Variants in VSTM4 observed in about 807,000 individuals in gnomAD.
VSTM4 encodes V-set and transmembrane domain-containing protein 4.
VSTM4 carries 20 observed loss-of-function variants against 36.4 expected under a neutral mutation model. The observed-to-expected ratio is 0.55, with a 90% CI of 0.39 to 0.80. VSTM4 has a LOEUF of 0.80. VSTM4 is among the 30% of genes least tolerant of loss of function. VSTM4 has a pLI of 0.00. For synonymous variants in VSTM4, 182 were observed against 173.9 expected (o/e 1.05, Z -0.37); for missense variants, 392 against 404.5 (o/e 0.97, Z 0.26).
chr10:49,044,452 AAG>A (rs1322936304), intron 7 of VSTM4, among the ~76,000 whole-genome samples: 3 of 128,396 alleles, frequency 2.3e-5, no homozygotes, highest in Non-Finnish European at 5.1e-5. Context: ...GAAGGAGAGA[AAG>A]AAAGAAAGAA....
intron 2 of VSTM4, among the ~76,000 whole-genome samples, chr10:49,090,507 G>A (rs1428526896): frequency 6.6e-6 from 1 of 152,178 alleles, no homozygotes; most frequent in African/African-American, 2.4e-5. Flanking sequence ...GGTGGACTCT[G>A]CTGCTCTGTG....
Position 49,019,452 on chromosome 10 carries a change from T to C in VSTM4, c.*198A>G. 1 of 550,706 alleles carries C rather than the reference T, an allele frequency of 1.8e-6. No individual in the cohort carries two copies. Among genetic ancestry groups the C allele is most frequent in the Non-Finnish European group, 2.7e-6 (1 of 370,120 alleles). The allele number at this position is 550,706 out of a possible 1,614,324, so 34.1% of individuals were successfully genotyped here. ...CAGGCGCATCTTGTCCCGGGAGATC[T>C]GTCAAGAGCTGTGGCCCCGATTCTT... On this transcript the variant is annotated 3_prime_UTR_variant, in exon 8 of 8. Coordinates refer to ENST00000332853, the MANE Select transcript of VSTM4 (RefSeq NM_001031746.5).
In VSTM4 at chr10:49,093,905, G is replaced by T. The variant is rs564568207; in HGVS notation, c.458-7882C>A. On this transcript the variant is annotated intron_variant, in intron 2 of 7. Coordinates refer to ENST00000332853, the MANE Select transcript of VSTM4 (RefSeq NM_001031746.5). ...TGGGACCACAGGTGCCTGCCATAACGCCCAGCTAATTTTTTGTATTTTTAG... is the reference window on the plus strand; with the variant it reads ...TGGGACCACAGGTGCCTGCCATAACTCCCAGCTAATTTTTTGTATTTTTAG... Among the ~76,000 whole-genome samples the T allele has an allele frequency of 3.0e-3, 449 of 151,886 alleles. 3 individuals carry two copies. Among genetic ancestry groups the T allele is most frequent in the African/African-American group, 1.0e-2 (414 of 41,414 alleles).
At position 49,014,319 on chromosome 10, in the gene VSTM4, T is replaced by G. The variant is rs1000238088; in HGVS notation, c.*5331A>C. ...AGCTGTAAACATCTCTAATTATATT[T>G]AAAACTGTAGAGTGCAGTACATTAA... On this transcript the variant is annotated 3_prime_UTR_variant, in exon 8 of 8. Coordinates refer to ENST00000332853, the MANE Select transcript of VSTM4 (RefSeq NM_001031746.5). The G allele has an allele frequency of 1.2e-4, 18 of 152,326 alleles. No individual in the cohort carries two copies. The highest frequency in any genetic ancestry group is 4.3e-4 in the African/African-American group (18 of 41,570). The allele number at this position is 152,326 out of a possible 1,614,324, so 9.4% of individuals were successfully genotyped here.
At chr10:49,112,977 G>A (rs1181990699) in intron 1 of VSTM4, among the ~76,000 whole-genome samples, 1 of 152,176 alleles carries the variant, frequency 6.6e-6, no homozygotes. Context: ...TCCAGGTGAG[G>A]GAGTAAGGAC....
At position 49,110,479 on chromosome 10, in the gene VSTM4, A is replaced by G. The variant is rs138069629; in HGVS notation, c.56-2484T>C. The stretch of plus-strand genomic sequence containing the variant: ...CATTTTGCCCCATATTCTCTTACAA[A>G]TGGCACAAACTTCTGTTTCTTCTAC... On this transcript the variant is annotated intron_variant, in intron 1 of 7. Transcript: ENST00000332853. Among the ~76,000 whole-genome samples, 295 of 152,288 alleles carry G rather than the reference A, an allele frequency of 1.9e-3. 3 individuals carry two copies. Among genetic ancestry groups the G allele is most frequent in the African/African-American group, 6.9e-3 (288 of 41,552 alleles).
intron 5 of VSTM4, among the ~76,000 whole-genome samples, chr10:49,049,509 GA>G: frequency 6.6e-6 from 1 of 152,192 alleles, no homozygotes; most frequent in Non-Finnish European, 1.5e-5. Context: ...AATCCAGAGG[GA>G]AGTACCTTTT....
chr10:49,036,857 G>T (rs1843438912), intron 7 of VSTM4, among the ~76,000 whole-genome samples: 1 of 152,352 alleles, frequency 6.6e-6, no homozygotes, highest in East Asian at 1.9e-4. Flanking sequence ...CTACGGCAGG[G>T]TCCCTCTGAA....
At chr10:49,047,147 T>C in intron 6 of VSTM4, 103 bp from the exon 7 acceptor site, 2 of 1,171,654 alleles carry the variant, frequency 1.7e-6, no homozygotes, top group South Asian at 1.3e-5. Flanking sequence ...CTCATACCCC[T>C]TCCTGGTCCC....
chr10:49,107,986 G>C lies in VSTM4; in HGVS notation c.65C>G (p.Ala22Gly). 6.3e-7 allele frequency: 1 copy of C among 1,575,106 alleles called. No homozygotes were observed. The highest frequency in any genetic ancestry group is 8.6e-7 in the Non-Finnish European group (1 of 1,158,862). ...CGGGGACACAGTGACATTGAGGGCC[G>C]CACAGACCTCTGCAGAGAAAAAGGG... The part of the protein sequence containing the change: ...LARAPAPEVC[A>G]ALNVTVSPGP... Residue 22 changes from alanine (A) to glycine (G), a missense_variant, in exon 2 of 8, where the codon GCG (alanine) becomes GGG (glycine). Physicochemically the swap from Ala to Gly is moderately conservative, Grantham distance 60. Transcript: ENST00000332853.
At chr10:49,082,603 A>T (rs34640094) in intron 3 of VSTM4, among the ~76,000 whole-genome samples, 41,707 of 152,092 alleles carry the variant, frequency 0.27, 5,892 homozygotes, top group Admixed American at 0.35. Flanking sequence ...TGAACCCAGG[A>T]GGCGGAGGTT....
chr10:49,057,705 G>C (rs1425916628), intron 5 of VSTM4, among the ~76,000 whole-genome samples: 1 of 152,196 alleles, frequency 6.6e-6, no homozygotes, highest in Admixed American at 6.5e-5. Context: ...GACCGTGGGA[G>C]CATGGGAGGG....
At chr10:49,040,365 C>T (rs975397712) in intron 7 of VSTM4, among the ~76,000 whole-genome samples, 1 of 150,718 alleles carries the variant, frequency 6.6e-6, no homozygotes, top group Non-Finnish European at 1.5e-5. Context: ...TCATTGCAAC[C>T]TCCATTTCCC....
intron 5 of VSTM4, among the ~76,000 whole-genome samples, chr10:49,057,380 T>G (rs1666748966): frequency 6.6e-6 from 1 of 152,196 alleles, no homozygotes; most frequent in Non-Finnish European, 1.5e-5. Flanking sequence ...TGCACCAGTC[T>G]ACGACCACTG....
At chr10:49,088,011 A>ATG (rs1282564363) in intron 2 of VSTM4, among the ~76,000 whole-genome samples, 1 of 148,108 alleles carries the variant, frequency 6.8e-6, no homozygotes, top group Non-Finnish European at 1.5e-5. Context: ...CATGTAATAT[A>ATG]TGTATATATA....
Position 49,014,373 on chromosome 10 carries a change from T to C in VSTM4, c.*5277A>G, listed in dbSNP as rs1843071902. The stretch of plus-strand genomic sequence containing the variant: ...TTAACAATCAGACACTAAATTGGAG[T>C]GACGCTAATAGCATTGTGTTTATTA... On this transcript the variant is annotated 3_prime_UTR_variant, in exon 8 of 8. Transcript: ENST00000332853. 6.6e-6 allele frequency: 1 copy of C among 152,072 alleles called. No homozygotes were observed. Among genetic ancestry groups the C allele is most frequent in the South Asian group, 2.1e-4 (1 of 4,812 alleles). The allele number at this position is 152,072 out of a possible 1,614,324, so 9.4% of individuals were successfully genotyped here. A position where few individuals can be genotyped will look rare whatever the true frequency, so the allele number is the denominator to read the frequency against.
intron 4 of VSTM4, 42 bp downstream of exon 4, chr10:49,077,177 G>T (rs778348140): frequency 6.3e-7 from 1 of 1,591,396 alleles, no homozygotes; most frequent in Non-Finnish European, 8.6e-7. Context: ...CTGTGGTCGG[G>T]GTGTGCTCCC....
In VSTM4 at chr10:49,019,547, C is replaced by T; in HGVS notation, c.*103G>A. 2 of 1,441,654 alleles carry T rather than the reference C, an allele frequency of 1.4e-6. No homozygotes were observed. Among genetic ancestry groups the T allele is most frequent in the South Asian group, 3.4e-5 (2 of 58,998 alleles). 89.3% of individuals were successfully genotyped at this position (1,441,654 alleles called of 1,614,324 possible). Reference sequence around the variant, plus strand: ...TGCTGAAAAGGGGCTCCCCACCACTCAGAAGGCATGAGTGAAAATACAGAC... The same window carrying T: ...TGCTGAAAAGGGGCTCCCCACCACTTAGAAGGCATGAGTGAAAATACAGAC... On this transcript the variant is annotated 3_prime_UTR_variant, in exon 8 of 8. Coordinates refer to ENST00000332853, the MANE Select transcript of VSTM4 (RefSeq NM_001031746.5).
At chr10:49,051,440 G>A (rs951789680) in intron 5 of VSTM4, among the ~76,000 whole-genome samples, 3 of 146,174 alleles carry the variant, frequency 2.1e-5, no homozygotes, top group Admixed American at 1.4e-4. Flanking sequence ...TTGTTGCCCA[G>A]GCTGGAGTGC....
Sources: allele counts gnomAD v4.1 joint callset (sites outside exome capture counted in the v4.1 genomes callset), GRCh38; gene constraint gnomAD v4.1.1; transcripts MANE v1.5; gene names NCBI Gene and HGNC (gene_info 2026-07-23, HGNC 2026-07-21).